SOD3: variants seen among roughly 807,000 people sequenced by gnomAD.
SOD3 encodes the protein extracellular superoxide dismutase [Cu-Zn].
In SOD3, 3 loss-of-function variants were observed where a neutral mutation model predicts 2.6. The ratio of observed to expected loss-of-function variants is 1.13; its 90% CI spans 0.52 to 2.93. The LOEUF is 2.93. Ranked by LOEUF, SOD3 falls within the 30% of genes most tolerant of loss-of-function variation. The probability of loss-of-function intolerance (pLI) is 0.04; values close to 1 mark genes in which losing one functional copy is unlikely to be tolerated. For missense variants in SOD3, 379 were observed against 370.4 expected, an observed-to-expected ratio of 1.02 and a Z score of -0.19; for synonymous variants, 188 against 177.5, an observed-to-expected ratio of 1.06 and a Z score of -0.47.
chr4:24,798,357 C>T (rs933910366), intron 1 of SOD3, among the ~76,000 whole-genome samples: 1 of 152,186 alleles, frequency 6.6e-6, no homozygotes, highest in African/African-American at 2.4e-5. Context: ...ACCCTCCCTC[C>T]ACTCAGTCTC....
chr4:24,797,500 ATC>A (rs1347915209), intron 1 of SOD3, among the ~76,000 whole-genome samples: 6 of 152,194 alleles, frequency 3.9e-5, no homozygotes, highest in African/African-American at 1.4e-4. Context: ...AATTCTAATC[ATC>A]TCTTTTAAGC....
Position 24,799,800 on chromosome 4 carries a change from C to T in SOD3, c.279C>T (p.Leu93=). The change falls in exon 2 of 2, where the codon CTC becomes CTT. Residue 93 remains leucine (L), a synonymous_variant. Transcript: ENST00000382120. ...LFRQLAPRAK[L]DAFFALEGFP... is the part of the protein sequence containing the mutation. Reference sequence around the variant, plus strand: ...GGCAGCTTGCGCCCCGCGCCAAGCTCGACGCCTTCTTCGCCCTGGAGGGCT... The same window carrying T: ...GGCAGCTTGCGCCCCGCGCCAAGCTTGACGCCTTCTTCGCCCTGGAGGGCT... 6.3e-7 allele frequency: 1 copy of T among 1,592,274 alleles called. No homozygotes were observed. The highest frequency in any genetic ancestry group is 8.5e-7 in the Non-Finnish European group (1 of 1,175,506).
In SOD3 at chr4:24,799,541, C is replaced by A; in HGVS notation, c.20C>A (p.Ser7Tyr). 6.2e-7 allele frequency: 1 copy of A among 1,600,220 alleles called. No individual in the cohort carries two copies. Among genetic ancestry groups the A allele is most frequent in the South Asian group, 1.1e-5 (1 of 90,502 alleles). Residue 7 changes from serine (S) to tyrosine (Y), a missense_variant, in exon 2 of 2, where the codon TCC (serine) becomes TAC (tyrosine). Physicochemically the swap from Ser to Tyr is moderately radical, Grantham distance 144. Coordinates refer to ENST00000382120, the MANE Select transcript of SOD3 (RefSeq NM_003102.4). MLALLC[S>Y]CLLLAAGASD... ...CCAGCCATGCTGGCGCTACTGTGTTCCTGCCTGCTCCTGGCAGCCGGTGCC... is the reference window on the plus strand; with the variant it reads ...CCAGCCATGCTGGCGCTACTGTGTTACTGCCTGCTCCTGGCAGCCGGTGCC...
At chr4:24,799,461 G>A in intron 1 of SOD3, 45 bp from the exon 2 acceptor site, 1 of 1,579,054 alleles carries the variant, frequency 6.3e-7, no homozygotes, top group Non-Finnish European at 8.5e-7. Context: ...TGTTTCACGT[G>A]ACTAAGCCTC....
At chr4:24,797,031 T>A (rs971334577) in intron 1 of SOD3, among the ~76,000 whole-genome samples, 1 of 152,164 alleles carries the variant, frequency 6.6e-6, no homozygotes, top group South Asian at 2.1e-4. Flanking sequence ...CATTGGGCCA[T>A]GTCATTTAGG....
chr4:24,800,018 C>T lies in SOD3; in HGVS notation c.497C>T (p.Ser166Leu), dbSNP rs898263950. Residue 166 changes from serine (S) to leucine (L), a missense_variant, in exon 2 of 2, where the codon TCG becomes TTG. Coordinates refer to ENST00000382120, the MANE Select transcript of SOD3 (RefSeq NM_003102.4). ...LWRYRAGLAA[S>L]LAGPHSIVGR... ...AGGTACCGCGCCGGCCTGGCCGCCT[C>T]GCTCGCGGGCCCGCACTCCATCGTG... is the stretch of plus-strand genomic sequence containing the variant. 2 of 1,538,934 alleles carry T rather than the reference C, an allele frequency of 1.3e-6. No homozygotes were observed. Among genetic ancestry groups the T allele is most frequent in the Non-Finnish European group, 1.7e-6 (2 of 1,152,072 alleles).
chr4:24,799,223 G>A (rs1202159220), intron 1 of SOD3, among the ~76,000 whole-genome samples: 1 of 152,152 alleles, frequency 6.6e-6, no homozygotes, highest in Non-Finnish European at 1.5e-5. Flanking sequence ...CCCCCTCCAC[G>A]CTATAGAGAT....
At chr4:24,796,622 A>ATTT (rs58441391) in intron 1 of SOD3, among the ~76,000 whole-genome samples, 3,297 of 126,030 alleles carry the variant, frequency 0.026, 162 homozygotes, top group East Asian at 0.14. Flanking sequence ...ACACCCAGCT[A>ATTT]TTTTTTTTTT....
intron 1 of SOD3, among the ~76,000 whole-genome samples, chr4:24,796,522 T>C (rs1033381767): frequency 2.9e-5 from 4 of 136,868 alleles, no homozygotes; most frequent in African/African-American, 1.1e-4. Context: ...ACGATCACTA[T>C]CACGGCTCAC....
Position 24,800,371 on chromosome 4 carries a change from C to T in SOD3, c.*127C>T. On this transcript the variant is annotated 3_prime_UTR_variant, in exon 2 of 2. Coordinates refer to ENST00000382120, the MANE Select transcript of SOD3 (RefSeq NM_003102.4). ...CTTCGCCTTTGCTGAAGTCTCCCCG[C>T]AGCCCTCTCCACCCAGAGGTCTCCC... 1 of 999,118 alleles carries T rather than the reference C, an allele frequency of 1.0e-6. No homozygotes were observed. The highest frequency in any genetic ancestry group is 1.3e-6 in the Non-Finnish European group (1 of 748,958). 61.9% of individuals were successfully genotyped at this position (999,118 alleles called of 1,614,324 possible).
rs1329382617 is a variant in SOD3 at position 24,800,204 on chromosome 4, G to C, written c.683G>C (p.Arg228Pro). ...WERQAREHSE[R>P]KKRRRESECK... is the part of the protein sequence containing the mutation. ...CGCCAGGCGCGGGAGCACTCAGAGCGCAAGAAGCGGCGGCGCGAGAGCGAG... is the reference window on the plus strand; with the variant it reads ...CGCCAGGCGCGGGAGCACTCAGAGCCCAAGAAGCGGCGGCGCGAGAGCGAG... Residue 228 changes from arginine to proline, a missense_variant, in exon 2 of 2, where the codon CGC becomes CCC. Coordinates refer to ENST00000382120, the MANE Select transcript of SOD3 (RefSeq NM_003102.4). 7.0e-7 allele frequency: 1 copy of C among 1,432,616 alleles called. No individual in the cohort carries two copies. Among genetic ancestry groups the C allele is most frequent in the East Asian group, 3.1e-5 (1 of 32,744 alleles). The allele number at this position is 1,432,616 out of a possible 1,614,324, so 88.7% of individuals were successfully genotyped here.
chr4:24,799,489 GC>G lies in SOD3; in HGVS notation c.-16-16del, dbSNP rs780416205. The G allele has an allele frequency of 1.1e-5, 18 of 1,593,630 alleles. No homozygotes were observed. The highest frequency in any genetic ancestry group is 1.5e-5 in the Non-Finnish European group (18 of 1,177,458). On this transcript the variant is annotated splice_polypyrimidine_tract_variant and intron_variant, in intron 1 of 1. Coordinates refer to ENST00000382120, the MANE Select transcript of SOD3 (RefSeq NM_003102.4). ...TAAGCCTCACTCTGCCCCCACCTCC[GC>G]GGGGGCGTCCCGCAGGTGCCCGACT... is the stretch of plus-strand genomic sequence containing the variant.
chr4:24,795,882 C>A (rs1713642454), intron 1 of SOD3, among the ~76,000 whole-genome samples: 1 of 151,940 alleles, frequency 6.6e-6, no homozygotes, highest in South Asian at 2.1e-4. Flanking sequence ...AAAGACCAGT[C>A]CAAGAGGATT....
Position 24,799,590 on chromosome 4 carries a change from C to A in SOD3, c.69C>A (p.Asp23Glu). 1 of 1,603,586 alleles carries A rather than the reference C, an allele frequency of 6.2e-7. No individual in the cohort carries two copies. The highest frequency in any genetic ancestry group is 2.2e-5 in the East Asian group (1 of 44,708). ...AGASDAWTGE[D>E]SAEPNSDSAE... The stretch of plus-strand genomic sequence containing the variant: ...CCTCGGACGCCTGGACGGGCGAGGA[C>A]TCGGCGGAGCCCAACTCTGACTCGG... The change falls in exon 2 of 2, where the codon GAC becomes GAA. Residue 23 changes from aspartate to glutamate, a missense_variant. Physicochemically the swap from Asp to Glu is conservative, Grantham distance 45. Coordinates refer to ENST00000382120, the MANE Select transcript of SOD3 (RefSeq NM_003102.4).
chr4:24,796,419 T>C, intron 1 of SOD3, among the ~76,000 whole-genome samples: 1 of 139,736 alleles, frequency 7.2e-6, no homozygotes, highest in Admixed American at 7.2e-5. Context: ...CTTTTCCTCC[T>C]CCTCCTCCTT....
At chr4:24,798,046 TTCTTTCTTTCC>T (rs535330664) in intron 1 of SOD3, among the ~76,000 whole-genome samples, 233 of 152,264 alleles carry the variant, frequency 1.5e-3, no homozygotes, top group African/African-American at 5.3e-3. Context: ...TTCTTTTCTT[TTCTTTCTTTCC>T]TCTTTCTTTC....
Position 24,799,651 on chromosome 4 carries a change from G to C in SOD3, c.130G>C (p.Glu44Gln). ...WIRDMYAKVTEIWQEVMQRRD... is the reference protein window; with the variant it reads ...WIRDMYAKVTQIWQEVMQRRD... ...CCGAGACATGTACGCCAAGGTCACG[G>C]AGATCTGGCAGGAGGTCATGCAGCG... is the stretch of plus-strand genomic sequence containing the variant. The change falls in exon 2 of 2, where the codon GAG becomes CAG. Residue 44 changes from glutamate to glutamine, a missense_variant. Glu to Gln is a conservative substitution (Grantham distance 29, BLOSUM62 2). Transcript: ENST00000382120. 3 of 1,604,006 alleles carry C rather than the reference G, an allele frequency of 1.9e-6. No individual in the cohort carries two copies. The highest frequency in any genetic ancestry group is 2.5e-6 in the Non-Finnish European group (3 of 1,177,788).
Position 24,799,949 on chromosome 4 carries a change from C to T in SOD3, c.428C>T (p.Pro143Leu). 3.1e-6 allele frequency: 5 copies of T among 1,592,506 alleles called. No homozygotes were observed. Among genetic ancestry groups the T allele is most frequent in the East Asian group, 2.3e-5 (1 of 44,330 alleles). ...CTGGCCGTGCCGCACCCGCAGCACCCGGGCGACTTCGGCAACTTCGCGGTC... is the reference window on the plus strand; with the variant it reads ...CTGGCCGTGCCGCACCCGCAGCACCTGGGCGACTTCGGCAACTTCGCGGTC... ...NPLAVPHPQH[P>L]GDFGNFAVRD... The change falls in exon 2 of 2, where the codon CCG (proline) becomes CTG (leucine). Residue 143 changes from proline (P) to leucine (L), a missense_variant. Coordinates refer to ENST00000382120, the MANE Select transcript of SOD3 (RefSeq NM_003102.4).
intron 1 of SOD3, among the ~76,000 whole-genome samples, chr4:24,796,819 A>C (rs1229362520): frequency 6.6e-6 from 1 of 152,176 alleles, no homozygotes. Flanking sequence ...CTTGAAAAAG[A>C]AAGCTCACTG....
Sources: gnomAD v4.1 joint callset for allele counts (sites outside exome capture counted in the v4.1 genomes callset) on GRCh38, gnomAD v4.1.1 for gene constraint, MANE v1.5 for transcripts, NCBI Gene and HGNC (gene_info 2026-07-23, HGNC 2026-07-21) for gene names.